SLIT3: variants seen among roughly 807,000 people sequenced by gnomAD.
SLIT3 encodes slit homolog 3 protein.
A neutral mutation model predicts 184.0 loss-of-function variants in SLIT3; 68 were observed. The observed-to-expected ratio is 0.37, with a 90% CI of 0.30 to 0.45. The LOEUF (loss-of-function observed/expected upper bound fraction) is 0.45. SLIT3 is among the 20% of genes least tolerant of loss of function. SLIT3 has a pLI of 1.00. For missense variants in SLIT3, 1,707 were observed against 2,026.0 expected, an observed-to-expected ratio of 0.84 and a Z score of 3.02; for synonymous variants, 831 against 828.6, an observed-to-expected ratio of 1.00 and a Z score of -0.05.
At chr5:168,751,409 A>G (rs1754698681) in intron 18 of SLIT3, among the ~76,000 whole-genome samples, 2 of 152,172 alleles carry the variant, frequency 1.3e-5, no homozygotes, top group South Asian at 4.1e-4. Context: ...CGTGTTGAGC[A>G]CTTTCTACAC....
At position 168,770,251 on chromosome 5, in the gene SLIT3, A is replaced by G. The variant is rs147420725; in HGVS notation, c.1459+2530T>C. On this transcript the variant is annotated intron_variant, in intron 14 of 35. Coordinates refer to ENST00000519560, the MANE Select transcript of SLIT3 (RefSeq NM_003062.4). ...GCAGCTGATAGAGAGAGGCAGACAC[A>G]GGCAGCTGGGAAACCAGACGCCCTG... Among the ~76,000 whole-genome samples the G allele has an allele frequency of 6.5e-4, 99 of 152,334 alleles. 2 individuals carry two copies. The East Asian group carries it at 0.016, about 25-fold the overall frequency.
At chr5:168,899,615 GA>G (rs1372518641) in intron 4 of SLIT3, among the ~76,000 whole-genome samples, 2 of 152,178 alleles carry the variant, frequency 1.3e-5, no homozygotes, top group Non-Finnish European at 2.9e-5. Context: ...CAGAATGAAT[GA>G]AGCTATAAGC....
intron 20 of SLIT3, among the ~76,000 whole-genome samples, chr5:168,732,908 G>A (rs1022340494): frequency 6.6e-6 from 1 of 152,092 alleles, no homozygotes; most frequent in Admixed American, 6.5e-5. Context: ...ATTGGCCTAG[G>A]CAAAGGATTT....
chr5:169,300,349 GCCTACAGACCC>G lies in SLIT3; in HGVS notation c.197+153_197+163del, dbSNP rs1767643819. On this transcript the variant is annotated intron_variant, in intron 1 of 35. Transcript: ENST00000519560. The surrounding 1 kb of genome is among the most constrained non-coding windows in gnomAD (Gnocchi z 4.1). ...GACCTCTCTTTCCAGATCTGACCAA[GCCTACAGACCC>G]CCAGCTCGGAGAGTGAGGGATCGTA... 6.6e-6 allele frequency among the ~76,000 whole-genome samples: 1 copy of G among 152,214 alleles called. No homozygotes were observed. The highest frequency in any genetic ancestry group is 2.4e-5 in the African/African-American group (1 of 41,466).
At position 168,696,286 on chromosome 5, in the gene SLIT3, C is replaced by A. The variant is rs768221064; in HGVS notation, c.3082+6G>T. 1.2e-6 allele frequency: 2 copies of A among 1,614,036 alleles called. No homozygotes were observed. The highest frequency in any genetic ancestry group is 1.7e-6 in the Non-Finnish European group (2 of 1,180,032). ...CCCACCATACATACAGTCATGAGAT[C>A]CTTACCTGTGTAGTTAGGCGGACAG... On this transcript the variant is annotated splice_donor_region_variant and intron_variant, in intron 28 of 35. Transcript: ENST00000519560.
chr5:168,907,977 T>TAGAGAGAGAGAGAG (rs1306645535), intron 4 of SLIT3, among the ~76,000 whole-genome samples: 31 of 62,240 alleles, frequency 5.0e-4, no homozygotes, highest in African/African-American at 9.0e-4. Flanking sequence ...TATATATATA[T>TAGAGAGAGAGAGAG]ATAGAGAGAG....
At chr5:168,820,503 A>G (rs1411782848) in intron 7 of SLIT3, among the ~76,000 whole-genome samples, 1 of 152,212 alleles carries the variant, frequency 6.6e-6, no homozygotes, top group African/African-American at 2.4e-5. Context: ...AGTGCTTAGT[A>G]CAAGGCCTGG....
intron 21 of SLIT3, among the ~76,000 whole-genome samples, 183 bp downstream of exon 21, chr5:168,724,233 T>A (rs987160202): frequency 8.5e-5 from 13 of 152,186 alleles, no homozygotes; most frequent in Middle Eastern, 3.2e-3. Flanking sequence ...GGTAATGCTC[T>A]TTCATTCTGC....
intron 3 of SLIT3, among the ~76,000 whole-genome samples, chr5:169,209,543 C>G (rs1764186941): frequency 1.3e-5 from 2 of 152,252 alleles, no homozygotes; most frequent in East Asian, 3.9e-4. Flanking sequence ...TGGAACCAAC[C>G]CAAATGCCCA....
rs568168567 is a variant in SLIT3 at position 169,056,973 on chromosome 5, T to C, written c.413+136506A>G. 7.2e-5 allele frequency among the ~76,000 whole-genome samples: 11 copies of C among 152,386 alleles called. No homozygotes were observed. In the South Asian group the frequency reaches 2.3e-3, roughly 32 times the overall value. ...TCTCAGCTGTAAAGTAAGAAAATGC[T>C]ATCTGCCTTACCTGTCTCCATAATG... is the stretch of plus-strand genomic sequence containing the variant. On this transcript the variant is annotated intron_variant, in intron 4 of 35. Coordinates refer to ENST00000519560, the MANE Select transcript of SLIT3 (RefSeq NM_003062.4).
At chr5:169,057,691 A>T (rs1758049772) in intron 4 of SLIT3, among the ~76,000 whole-genome samples, 1 of 152,178 alleles carries the variant, frequency 6.6e-6, no homozygotes, top group African/African-American at 2.4e-5. Context: ...ATGACTCCCC[A>T]CGGTGCCAGA....
intron 4 of SLIT3, among the ~76,000 whole-genome samples, chr5:169,165,240 T>G (rs1240168705): frequency 3.3e-5 from 5 of 152,240 alleles, no homozygotes; most frequent in Non-Finnish European, 7.3e-5. Context: ...AAGGGCTGCA[T>G]GCATAAGAGA....
intron 1 of SLIT3, among the ~76,000 whole-genome samples, chr5:169,270,421 T>C (rs757265837): frequency 2.9e-4 from 44 of 152,322 alleles, no homozygotes; most frequent in Non-Finnish European, 5.0e-4. Flanking sequence ...TTTAAATGGT[T>C]GGAAAAAATC....
chr5:169,139,592 C>A (rs559005274), intron 4 of SLIT3, among the ~76,000 whole-genome samples: 2 of 152,218 alleles, frequency 1.3e-5, no homozygotes, highest in Non-Finnish European at 2.9e-5. Context: ...GCCCACCCCC[C>A]CAGGGGCTCC....
chr5:168,910,465 C>T (rs541410671), intron 4 of SLIT3, among the ~76,000 whole-genome samples: 13 of 152,236 alleles, frequency 8.5e-5, no homozygotes, highest in Admixed American at 2.0e-4. Context: ...CAATTGCCGC[C>T]GGGCGTGGTG....
intron 4 of SLIT3, among the ~76,000 whole-genome samples, chr5:169,124,627 G>T (rs565477530): frequency 6.6e-6 from 1 of 152,272 alleles, no homozygotes; most frequent in African/African-American, 2.4e-5. Context: ...GTGATTAAAA[G>T]CCATCTAAAG....
chr5:168,741,457 C>T (rs1259129540), intron 20 of SLIT3, among the ~76,000 whole-genome samples: 9 of 119,856 alleles, frequency 7.5e-5, no homozygotes, highest in East Asian at 5.4e-4. Flanking sequence ...CCAGCCTGGG[C>T]GACAGAGCAA....
intron 4 of SLIT3, among the ~76,000 whole-genome samples, chr5:169,144,578 T>C (rs1761866647): frequency 6.6e-6 from 1 of 152,224 alleles, no homozygotes; most frequent in Non-Finnish European, 1.5e-5. Flanking sequence ...AAGTGAATGA[T>C]GGAAGGTGTG....
chr5:168,955,436 C>G (rs1762794885), intron 4 of SLIT3, among the ~76,000 whole-genome samples: 1 of 152,206 alleles, frequency 6.6e-6, no homozygotes, highest in African/African-American at 2.4e-5. Flanking sequence ...TCTGCTTCTC[C>G]TCTTTTCCTC....
Sources: gnomAD v4.1 joint callset for allele counts (sites outside exome capture counted in the v4.1 genomes callset) on GRCh38, gnomAD v4.1.1 for gene constraint, Gnocchi (gnomAD v3.1) non-coding constraint, MANE v1.5 for transcripts, NCBI Gene and HGNC (gene_info 2026-07-23, HGNC 2026-07-21) for gene names.